Variants in ELOVL5 observed in about 807,000 individuals in gnomAD.
ELOVL5 encodes ELOVL fatty acid elongase 5.
Under a neutral mutation model 38.6 loss-of-function variants are expected in ELOVL5, and 8 were observed. The observed-to-expected ratio is 0.21, with a 90% CI of 0.12 to 0.37. The LOEUF is 0.37. ELOVL5 is among the 10% of genes least tolerant of loss of function. ELOVL5 has a pLI of 1.00. For missense variants in ELOVL5, 280 were observed against 367.8 expected, an observed-to-expected ratio of 0.76 and a Z score of 1.95; for synonymous variants, 127 against 133.7, an observed-to-expected ratio of 0.95 and a Z score of 0.34.
At chr6:53,313,460 T>C (rs1476703071) in intron 1 of ELOVL5, among the ~76,000 whole-genome samples, 1 of 152,084 alleles carries the variant, frequency 6.6e-6, no homozygotes, top group Non-Finnish European at 1.5e-5. Flanking sequence ...TCCCGGGCTC[T>C]TGCAATCCTC....
intron 1 of ELOVL5, among the ~76,000 whole-genome samples, chr6:53,342,368 T>C (rs1769368838): frequency 6.6e-6 from 1 of 152,222 alleles, no homozygotes; most frequent in Non-Finnish European, 1.5e-5. Context: ...CTCACTTTGT[T>C]GTAGCATTTG....
chr6:53,305,131 G>C (rs1486499455), intron 1 of ELOVL5, among the ~76,000 whole-genome samples: 1 of 149,956 alleles, frequency 6.7e-6, no homozygotes, highest in African/African-American at 2.5e-5. Flanking sequence ...CCTCCCAGAC[G>C]GGGCGGCTCG....
At chr6:53,344,228 G>T (rs867210964) in intron 1 of ELOVL5, among the ~76,000 whole-genome samples, 3 of 152,282 alleles carry the variant, frequency 2.0e-5, no homozygotes, top group Middle Eastern at 3.4e-3. Flanking sequence ...ATTTCCATCT[G>T]ATCACAAAGC....
intron 1 of ELOVL5, among the ~76,000 whole-genome samples, chr6:53,306,114 GA>G (rs1767528999): frequency 6.6e-6 from 1 of 150,630 alleles, no homozygotes; most frequent in Non-Finnish European, 1.5e-5. Flanking sequence ...GGAGGCAGGA[GA>G]ATCAGGCAGG....
At chr6:53,275,334 A>G (rs1220677663) in intron 4 of ELOVL5, 73 bp from the exon 5 acceptor site, 3 of 1,485,844 alleles carry the variant, frequency 2.0e-6, no homozygotes, top group Non-Finnish European at 2.8e-6. Flanking sequence ...GACATGTTTC[A>G]CTAATATCCA....
intron 3 of ELOVL5, among the ~76,000 whole-genome samples, chr6:53,286,415 T>A (rs1766573242): frequency 6.6e-6 from 1 of 151,950 alleles, no homozygotes; most frequent in Non-Finnish European, 1.5e-5. Flanking sequence ...ATAAAAAAAT[T>A]AGCCAGGCAT....
At chr6:53,293,311 T>A (rs1472750675) in intron 2 of ELOVL5, among the ~76,000 whole-genome samples, 1 of 152,264 alleles carries the variant, frequency 6.6e-6, no homozygotes, top group East Asian at 1.9e-4. Flanking sequence ...TTAATTTTTT[T>A]ATTATTCATT....
chr6:53,348,781 G>T, intron 1 of ELOVL5, 36 bp downstream of exon 1: 1 of 453,074 alleles, frequency 2.2e-6, no homozygotes, highest in Non-Finnish European at 4.4e-6. Context: ...CCGAGCGGCG[G>T]CCCCCGACGA....
At chr6:53,323,136 T>A (rs986850731) in intron 1 of ELOVL5, among the ~76,000 whole-genome samples, 1 of 152,148 alleles carries the variant, frequency 6.6e-6, no homozygotes, top group African/African-American at 2.4e-5. Flanking sequence ...TAACTGTCAA[T>A]CATATTAAGA....
In ELOVL5 at chr6:53,306,167, T is replaced by C. The variant is rs944335756; in HGVS notation, c.-8-10460A>G. 4.8e-5 allele frequency among the ~76,000 whole-genome samples: 7 copies of C among 144,560 alleles called. 1 individual carries two copies. In the South Asian group the frequency reaches 1.6e-3, roughly 33 times the overall value. The allele number at this position is 144,560 out of a possible 152,430, so 94.8% of individuals were successfully genotyped here. A position where few individuals can be genotyped will look rare whatever the true frequency, so the allele number is the denominator to read the frequency against. ...GAGATGGCAGCAGCACAGTCCAGCT[T>C]TGGCTCGGCATGAGAGGGAGACCGT... On this transcript the variant is annotated intron_variant, in intron 1 of 7. Coordinates refer to ENST00000304434, the MANE Select transcript of ELOVL5 (RefSeq NM_021814.5).
At chr6:53,276,083 T>A in intron 4 of ELOVL5, 96 bp downstream of exon 4, 1 of 765,642 alleles carries the variant, frequency 1.3e-6, no homozygotes, top group Non-Finnish European at 2.2e-6. Context: ...AGGGATTGCC[T>A]GGGCAGTGAG....
intron 1 of ELOVL5, among the ~76,000 whole-genome samples, chr6:53,316,443 C>G (rs1195723959): frequency 6.6e-6 from 1 of 151,550 alleles, no homozygotes; most frequent in Non-Finnish European, 1.5e-5. Flanking sequence ...TAGTGGGGAT[C>G]AGACAGAAGG....
At chr6:53,320,135 C>G (rs944660797) in intron 1 of ELOVL5, among the ~76,000 whole-genome samples, 1 of 151,830 alleles carries the variant, frequency 6.6e-6, no homozygotes, top group African/African-American at 2.4e-5. Flanking sequence ...GCCAACGTGG[C>G]AAAACCCTGT....
rs1767576394 is a variant in ELOVL5 at position 53,306,374 on chromosome 6, GGAGAGGGGAGAGA to G, written c.-8-10680_-8-10668del. ...GAGAGGGGAGAGAGAGAGGGGAGAG[GGAGAGGGGAGAGA>G]GAGAGGGGAGAGGGGCAAACACACA... On this transcript the variant is annotated intron_variant, in intron 1 of 7. Transcript: ENST00000304434. Among the ~76,000 whole-genome samples the G allele has an allele frequency of 4.0e-5, 2 of 50,064 alleles. 1 individual carries two copies. Among genetic ancestry groups the G allele is most frequent in the Admixed American group, 3.2e-4 (2 of 6,274 alleles). The allele number at this position is 50,064 out of a possible 152,430, so 32.8% of individuals were successfully genotyped here.
In ELOVL5 at chr6:53,348,913, G is replaced by A. The variant is rs1561900405; in HGVS notation, c.-105C>T. 4.4e-6 allele frequency: 2 copies of A among 449,546 alleles called. No individual in the cohort carries two copies. Among genetic ancestry groups the A allele is most frequent in the Non-Finnish European group, 8.9e-6 (2 of 223,758 alleles). The allele number at this position is 449,546 out of a possible 1,614,324, so 27.8% of individuals were successfully genotyped here. A position where few individuals can be genotyped will look rare whatever the true frequency, so the allele number is the denominator to read the frequency against. On this transcript the variant is annotated 5_prime_UTR_variant, in exon 1 of 8. Coordinates refer to ENST00000304434, the MANE Select transcript of ELOVL5 (RefSeq NM_021814.5). ...AGCCGGCGCAGAGGCGGATGTAGAA[G>A]GAGACACCGGTGGCTAGGACCCGCG...
Position 53,348,897 on chromosome 6 carries a change from A to AGG in ELOVL5, c.-90_-89insCC. 2.2e-6 allele frequency: 1 copy of AGG among 453,442 alleles called. No individual in the cohort carries two copies. The highest frequency in any genetic ancestry group is 2.4e-5 in the Admixed American group (1 of 42,518). 28.1% of individuals were successfully genotyped at this position (453,442 alleles called of 1,614,324 possible). A position where few individuals can be genotyped will look rare whatever the true frequency, so the allele number is the denominator to read the frequency against. ...AGGGAGCGCGGGTGGCAGCCGGCGC[A>AGG]GAGGCGGATGTAGAAGGAGACACCG... is the stretch of plus-strand genomic sequence containing the variant. On this transcript the variant is annotated 5_prime_UTR_variant, in exon 1 of 8. Transcript: ENST00000304434.
At chr6:53,342,870 A>G (rs1769386474) in intron 1 of ELOVL5, among the ~76,000 whole-genome samples, 2 of 152,228 alleles carry the variant, frequency 1.3e-5, no homozygotes, top group Non-Finnish European at 2.9e-5. Flanking sequence ...TGGAGGAGCA[A>G]GAGTGGGAAT....
intron 1 of ELOVL5, among the ~76,000 whole-genome samples, chr6:53,299,791 C>A (rs566983023): frequency 2.0e-5 from 3 of 152,144 alleles, no homozygotes; most frequent in Admixed American, 6.5e-5. Context: ...CAAAAGCACA[C>A]GCAAGAAACG....
intron 1 of ELOVL5, among the ~76,000 whole-genome samples, chr6:53,319,413 TA>T (rs1244187325): frequency 6.6e-6 from 1 of 151,558 alleles, no homozygotes; most frequent in East Asian, 1.9e-4. Context: ...TTCAAACACT[TA>T]AAAGTTTTCT....
Sources: allele counts gnomAD v4.1 joint callset (sites outside exome capture counted in the v4.1 genomes callset), GRCh38; gene constraint gnomAD v4.1.1; transcripts MANE v1.5; gene names NCBI Gene and HGNC (gene_info 2026-07-23, HGNC 2026-07-21).